The following EBF1 variants were observed in gnomAD, a reference collection of about 807,000 sequenced individuals.
EBF1 encodes the protein transcription factor COE1.
Under a neutral mutation model 68.4 loss-of-function variants are expected in EBF1, and 10 were observed. The observed-to-expected ratio is 0.15, with a 90% CI of 0.09 to 0.25. The LOEUF (loss-of-function observed/expected upper bound fraction) is 0.25, where lower values mean the gene tolerates loss of function less well. Ranked by LOEUF, EBF1 falls within the 10% of genes least tolerant of loss-of-function variation. The probability of loss-of-function intolerance (pLI) is 1.00; values close to 1 mark genes in which losing one functional copy is unlikely to be tolerated. For missense variants in EBF1, 509 were observed against 794.4 expected (o/e 0.64, Z 4.32); for synonymous variants, 298 against 299.8 (o/e 0.99, Z 0.06).
chr5:159,039,985 C>T (rs1770846673), intron 6 of EBF1, among the ~76,000 whole-genome samples: 1 of 152,140 alleles, frequency 6.6e-6, no homozygotes, highest in Non-Finnish European at 1.5e-5. Flanking sequence ...TTGTTTTTTG[C>T]TCAAATGTAA....
chr5:158,696,356 A>AAAAC lies in EBF1; in HGVS notation c.*2751_*2754dup. 4.5e-6 allele frequency: 1 copy of AAAAC among 222,426 alleles called. No individual in the cohort carries two copies. The highest frequency in any genetic ancestry group is 6.5e-5 in the East Asian group (1 of 15,302). The allele number at this position is 222,426 out of a possible 1,614,324, so 13.8% of individuals were successfully genotyped here. On this transcript the variant is annotated 3_prime_UTR_variant, in exon 16 of 16. Coordinates refer to ENST00000313708, the MANE Select transcript of EBF1 (RefSeq NM_024007.5). ...TCTAATCAATAGAAATAGAAGCAAC[A>AAAAC]AAACACAAATTATACACATTTTAAA...
At chr5:159,086,101 T>C (rs1300650788) in intron 4 of EBF1, among the ~76,000 whole-genome samples, 1 of 152,318 alleles carries the variant, frequency 6.6e-6, no homozygotes, top group African/African-American at 2.4e-5. Flanking sequence ...TTGACATACA[T>C]GTACACCTAC....
At chr5:158,965,560 T>C (rs555453161) in intron 6 of EBF1, among the ~76,000 whole-genome samples, 1 of 152,214 alleles carries the variant, frequency 6.6e-6, no homozygotes, top group Non-Finnish European at 1.5e-5. Context: ...ATGCAAATTC[T>C]GCATTTATCC....
rs115166368 is a variant in EBF1, at chr5:158,759,161, A to G, written c.1036+18252T>C. Among the ~76,000 whole-genome samples the G allele has an allele frequency of 5.4e-3, 817 of 152,324 alleles. 7 individuals carry two copies. The highest frequency in any genetic ancestry group is 0.019 in the African/African-American group (773 of 41,578). On this transcript the variant is annotated intron_variant, in intron 10 of 15. Coordinates refer to ENST00000313708, the MANE Select transcript of EBF1 (RefSeq NM_024007.5). ...GTTTAAGACTCAGTGACGACTTTCA[A>G]TCTTACTATGTGGATAAAGAAGGAG...
In EBF1 at chr5:158,756,728, G is replaced by T. The variant is rs111800174; in HGVS notation, c.1036+20685C>A. 5.8e-3 allele frequency among the ~76,000 whole-genome samples: 877 copies of T among 151,678 alleles called. 7 individuals are homozygous for T. Among genetic ancestry groups the T allele is most frequent in the Non-Finnish European group, 9.7e-3 (660 of 67,920 alleles). On this transcript the variant is annotated intron_variant, in intron 10 of 15. Coordinates refer to ENST00000313708, the MANE Select transcript of EBF1 (RefSeq NM_024007.5). ...TAAAGAAATAGATGAATGAATGAAA[G>T]AATGAACAAATGAATTAACTAAATA...
At position 158,750,692 on chromosome 5, in the gene EBF1, T is replaced by C. The variant is rs116389063; in HGVS notation, c.1037-19535A>G. Among the ~76,000 whole-genome samples the C allele has an allele frequency of 5.6e-3, 848 of 152,190 alleles. 7 individuals carry two copies. Among genetic ancestry groups the C allele is most frequent in the African/African-American group, 0.02 (816 of 41,548 alleles). On this transcript the variant is annotated intron_variant, in intron 10 of 15. Coordinates refer to ENST00000313708, the MANE Select transcript of EBF1 (RefSeq NM_024007.5). The stretch of plus-strand genomic sequence containing the variant: ...TCTACTCTATATTTTATAGCATCAT[T>C]TTATAGTGCAAATAATAAAAGCATT...
chr5:158,940,563 C>A (rs1348827155), intron 6 of EBF1, among the ~76,000 whole-genome samples: 1 of 152,168 alleles, frequency 6.6e-6, no homozygotes, highest in Non-Finnish European at 1.5e-5. Flanking sequence ...GTTTGTCTGA[C>A]TCTAGAGCCC....
intron 6 of EBF1, among the ~76,000 whole-genome samples, chr5:158,993,136 T>G (rs1427189108): frequency 2.0e-5 from 3 of 149,696 alleles, no homozygotes; most frequent in African/African-American, 7.4e-5. Flanking sequence ...CACCTCCGCC[T>G]CCTGGGCTCA....
chr5:158,846,242 C>A (rs1407605363), intron 6 of EBF1, among the ~76,000 whole-genome samples: 1 of 152,106 alleles, frequency 6.6e-6, no homozygotes, highest in Admixed American at 6.5e-5. Flanking sequence ...TGCTCCCACC[C>A]CACACACACT....
At chr5:158,935,202 T>G (rs1811715948) in intron 6 of EBF1, among the ~76,000 whole-genome samples, 1 of 152,178 alleles carries the variant, frequency 6.6e-6, no homozygotes, top group Admixed American at 6.5e-5. Flanking sequence ...CCTATTCCCC[T>G]GCCCAAGAGA....
chr5:159,076,959 A>C (rs1045475260), intron 5 of EBF1, among the ~76,000 whole-genome samples: 4 of 152,264 alleles, frequency 2.6e-5, no homozygotes, highest in African/African-American at 9.6e-5. Context: ...AGAAATGTAC[A>C]GCATATTGTG....
intron 6 of EBF1, among the ~76,000 whole-genome samples, chr5:159,047,689 C>T (rs76688984): frequency 0.079 from 11,996 of 152,234 alleles, 525 homozygotes; most frequent in Non-Finnish European, 0.1. Context: ...CAAAAGAAAA[C>T]CCATACCTCT....
At chr5:158,854,146 G>C (rs1793515520) in intron 6 of EBF1, among the ~76,000 whole-genome samples, 1 of 152,208 alleles carries the variant, frequency 6.6e-6, no homozygotes. Flanking sequence ...CTGGTAGAGG[G>C]ATGCAGTTTG....
intron 10 of EBF1, among the ~76,000 whole-genome samples, chr5:158,732,751 G>C (rs1390517309): frequency 6.6e-6 from 1 of 152,050 alleles, no homozygotes; most frequent in Non-Finnish European, 1.5e-5. Context: ...GTGAACTTTA[G>C]GTAACTTTTT....
chr5:159,051,564 TAAC>T (rs1276831309), intron 6 of EBF1, among the ~76,000 whole-genome samples: 1 of 151,288 alleles, frequency 6.6e-6, no homozygotes, highest in Non-Finnish European at 1.5e-5. Flanking sequence ...TACGTGTCGC[TAAC>T]AACAACACAA....
At chr5:158,988,986 T>C (rs1377990764) in intron 6 of EBF1, among the ~76,000 whole-genome samples, 1 of 152,216 alleles carries the variant, frequency 6.6e-6, no homozygotes, top group Non-Finnish European at 1.5e-5. Context: ...CCACTGGTCT[T>C]GCCCACCGCA....
At chr5:158,712,923 A>T (rs1271775123) in intron 13 of EBF1, 47 bp downstream of exon 13, 7 of 1,395,930 alleles carry the variant, frequency 5.0e-6, no homozygotes, top group Non-Finnish European at 6.6e-6. Flanking sequence ...AAATGAGGAG[A>T]TGGGGTGCTT....
At chr5:158,843,799 G>A (rs868569386) in intron 6 of EBF1, among the ~76,000 whole-genome samples, 2 of 152,142 alleles carry the variant, frequency 1.3e-5, no homozygotes, top group South Asian at 4.1e-4. Context: ...TTAGAAGGAG[G>A]AGTTAAAAAT....
chr5:159,023,167 A>G (rs1016729930), intron 6 of EBF1, among the ~76,000 whole-genome samples: 14 of 145,860 alleles, frequency 9.6e-5, no homozygotes, highest in African/African-American at 3.3e-4. Flanking sequence ...TATTTTCTAC[A>G]TCAGATGCCA....
Sources: allele counts gnomAD v4.1 joint callset (sites outside exome capture counted in the v4.1 genomes callset), GRCh38; gene constraint gnomAD v4.1.1; transcripts MANE v1.5; gene names NCBI Gene and HGNC (gene_info 2026-07-23, HGNC 2026-07-21).